KAT6A: variants seen among roughly 807,000 people sequenced by gnomAD.
KAT6A encodes the protein histone acetyltransferase KAT6A.
KAT6A carries 9 observed loss-of-function variants against 198.4 expected under a neutral mutation model. That is an observed-to-expected ratio of 0.05 (90% confidence interval 0.03 to 0.08). The LOEUF (loss-of-function observed/expected upper bound fraction) is 0.08, where lower values mean the gene tolerates loss of function less well. Among genes scored for constraint, KAT6A ranks in the 10% least tolerant of loss-of-function variants. The pLI is 1.00. For synonymous variants in KAT6A, 890 were observed against 883.0 expected (o/e 1.01, Z -0.14); for missense variants, 2,077 against 2,509.9 (o/e 0.83, Z 3.69).
chr8:41,949,934 A>T (rs187722460), intron 9 of KAT6A, among the ~76,000 whole-genome samples: 1 of 152,286 alleles, frequency 6.6e-6, no homozygotes, highest in Non-Finnish European at 1.5e-5. Flanking sequence ...TATTTTTTAA[A>T]CTGTCATTCA....
At chr8:42,024,408 T>C (rs1227049465) in intron 2 of KAT6A, among the ~76,000 whole-genome samples, 2 of 152,250 alleles carry the variant, frequency 1.3e-5, no homozygotes, top group African/African-American at 2.4e-5. Context: ...TCAGGGTATT[T>C]AGGATATCCA....
In KAT6A at chr8:41,934,889, C is replaced by CA. The variant is rs557980667; in HGVS notation, c.3353-23dup. The CA allele has an allele frequency of 1.1e-3, 1,784 of 1,551,708 alleles. 5 individuals are homozygous for CA. Among genetic ancestry groups the CA allele is most frequent in the South Asian group, 2.2e-3 (179 of 81,140 alleles). The stretch of plus-strand genomic sequence containing the variant: ...GTGTCTATACAGGAAGGAAAAAAAA[C>CA]AAAGACAGGTTACAAGGTCTTACAT... On this transcript the variant is annotated intron_variant, in intron 16 of 16. Coordinates refer to ENST00000265713, the MANE Select transcript of KAT6A (RefSeq NM_006766.5).
intron 2 of KAT6A, among the ~76,000 whole-genome samples, chr8:42,007,734 G>A (rs1367633058): frequency 3.3e-5 from 5 of 152,010 alleles, no homozygotes; most frequent in East Asian, 1.9e-4. Flanking sequence ...AGGCCAAAGC[G>A]GGTGGATCAC....
At chr8:41,981,402 CAA>C (rs773502266) in intron 4 of KAT6A, among the ~76,000 whole-genome samples, 45 of 152,118 alleles carry the variant, frequency 3.0e-4, no homozygotes, top group Non-Finnish European at 5.4e-4. Flanking sequence ...ATAGAGTTAG[CAA>C]AAAGTTATGT....
intron 7 of KAT6A, among the ~76,000 whole-genome samples, chr8:41,975,696 C>T (rs924315792): frequency 2.0e-5 from 3 of 152,122 alleles, no homozygotes; most frequent in East Asian, 1.9e-4. Context: ...ATACAGCATT[C>T]GGTACTTAAA....
chr8:42,044,814 C>T (rs1465036163), intron 2 of KAT6A, among the ~76,000 whole-genome samples: 1 of 152,194 alleles, frequency 6.6e-6, no homozygotes, highest in Non-Finnish European at 1.5e-5. Context: ...CCAATTAATT[C>T]CTAAAAGTGA....
Position 41,931,509 on chromosome 8 carries a change from A to G in KAT6A, c.*696T>C, listed in dbSNP as rs1201795701. On this transcript the variant is annotated 3_prime_UTR_variant, in exon 17 of 17. Coordinates refer to ENST00000265713, the MANE Select transcript of KAT6A (RefSeq NM_006766.5). ...ATATTACACTTGATTCAAGAACAAC[A>G]AAGATTTCAATGAAGTCCGTCTATA... The G allele has an allele frequency of 9.6e-6, 2 of 208,062 alleles. No homozygotes were observed. The highest frequency in any genetic ancestry group is 1.2e-4 in the Admixed American group (2 of 16,848). 12.9% of individuals were successfully genotyped at this position (208,062 alleles called of 1,614,324 possible).
Position 41,930,406 on chromosome 8 carries a change from A to C in KAT6A, c.*1799T>G, listed in dbSNP as rs1198028065. On this transcript the variant is annotated 3_prime_UTR_variant, in exon 17 of 17. Coordinates refer to ENST00000265713, the MANE Select transcript of KAT6A (RefSeq NM_006766.5). ...AGCCTTGCACATGCTCAGAGCTGAG[A>C]GCGGGAAGATGTGGAATTCTGCGTT... 4.4e-6 allele frequency: 1 copy of C among 226,436 alleles called. No homozygotes were observed. Among genetic ancestry groups the C allele is most frequent in the Non-Finnish European group, 8.8e-6 (1 of 113,884 alleles). The allele number at this position is 226,436 out of a possible 1,614,324, so 14.0% of individuals were successfully genotyped here. A position where few individuals can be genotyped will look rare whatever the true frequency, so the allele number is the denominator to read the frequency against.
intron 2 of KAT6A, among the ~76,000 whole-genome samples, chr8:41,993,145 C>T (rs936489594): frequency 1.3e-5 from 2 of 152,168 alleles, no homozygotes; most frequent in Admixed American, 1.3e-4. Context: ...ACTTTGTCTA[C>T]CCCAAACCAA....
In KAT6A at chr8:41,932,580, C is replaced by T. The variant is rs753312629; in HGVS notation, c.5640G>A (p.Ser1880=). The part of the protein sequence containing the change: ...HQQQLYGRSP[S]AVAMQAGPRA... Reference sequence around the variant, plus strand: ...GAGGGCCAGCCTGCATGGCAACTGCCGATGGGCTACGGCCATACAGCTGCT... The same window carrying T: ...GAGGGCCAGCCTGCATGGCAACTGCTGATGGGCTACGGCCATACAGCTGCT... The change falls in exon 17 of 17, where the codon TCG becomes TCA. Residue 1880 remains serine (S), a synonymous_variant. Transcript: ENST00000265713. The T allele has an allele frequency of 5.6e-6, 9 of 1,614,220 alleles. No homozygotes were observed. The highest frequency in any genetic ancestry group is 2.2e-5 in the South Asian group (2 of 91,086).
In KAT6A at chr8:41,981,824, G is replaced by A. The variant is rs1273780687; in HGVS notation, c.825+15C>T. The A allele has an allele frequency of 6.7e-7, 1 of 1,484,336 alleles. No homozygotes were observed. The highest frequency in any genetic ancestry group is 1.7e-5 in the Admixed American group (1 of 59,748). 91.9% of individuals were successfully genotyped at this position (1,484,336 alleles called of 1,614,324 possible). On this transcript the variant is annotated intron_variant, in intron 4 of 16. Transcript: ENST00000265713. ...ACTAAATGAAACACCCATATTAGAAGGCAGAGATACTCACCGCATTTTTGC... is the reference window on the plus strand; with the variant it reads ...ACTAAATGAAACACCCATATTAGAAAGCAGAGATACTCACCGCATTTTTGC...
chr8:41,976,859 G>A (rs1014779025), intron 7 of KAT6A, 149 bp downstream of exon 7: 5 of 664,248 alleles, frequency 7.5e-6, no homozygotes, highest in African/African-American at 7.2e-5. Flanking sequence ...TATCACCTCA[G>A]TATCATCTAC....
Position 42,051,987 on chromosome 8 carries a change from T to C in KAT6A, c.-412A>G, listed in dbSNP as rs1291526403. ...GACACGGCCGCCATCTTGGAGACAG[T>C]GAGCTCCAGCCGGGGGGAGGGGAGG... On this transcript the variant is annotated 5_prime_UTR_variant, in exon 1 of 17. Transcript: ENST00000265713. 1 of 135,040 alleles carries C rather than the reference T, an allele frequency of 7.4e-6. No individual in the cohort carries two copies. The highest frequency in any genetic ancestry group is 1.5e-5 in the Non-Finnish European group (1 of 64,568). 8.4% of individuals were successfully genotyped at this position (135,040 alleles called of 1,614,324 possible).
chr8:42,051,059 C>T (rs1365810069), intron 1 of KAT6A, among the ~76,000 whole-genome samples: 1 of 152,062 alleles, frequency 6.6e-6, no homozygotes, highest in East Asian at 1.9e-4. Context: ...GGCGCTGCAC[C>T]GTTTCCACGC....
chr8:42,033,486 C>A (rs1827227801), intron 2 of KAT6A, among the ~76,000 whole-genome samples: 1 of 152,098 alleles, frequency 6.6e-6, no homozygotes, highest in South Asian at 2.1e-4. Context: ...AATTCATATC[C>A]AATTAAACAG....
At chr8:42,042,035 T>C (rs1655465162) in intron 2 of KAT6A, among the ~76,000 whole-genome samples, 1 of 152,236 alleles carries the variant, frequency 6.6e-6, no homozygotes, top group South Asian at 2.1e-4. Flanking sequence ...TTTCCAAGCT[T>C]ATATTGGTTA....
rs551669395 is a variant in KAT6A, at chr8:41,967,077, A to C, written c.1482+7627T>G. 9.2e-5 allele frequency among the ~76,000 whole-genome samples: 14 copies of C among 152,282 alleles called. No individual in the cohort carries two copies. The East Asian group carries it at 2.5e-3, about 27-fold the overall frequency. Reference sequence around the variant, plus strand: ...ATTTTAATAACCCGCACAGATTTCAAAAATGCTCTGTAACTTTCCAGAACC... The same window carrying C: ...ATTTTAATAACCCGCACAGATTTCACAAATGCTCTGTAACTTTCCAGAACC... On this transcript the variant is annotated intron_variant, in intron 8 of 16. Coordinates refer to ENST00000265713, the MANE Select transcript of KAT6A (RefSeq NM_006766.5).
intron 15 of KAT6A, among the ~76,000 whole-genome samples, chr8:41,938,851 G>A (rs1436968881): frequency 3.3e-5 from 5 of 151,850 alleles, no homozygotes; most frequent in Non-Finnish European, 7.4e-5. Flanking sequence ...AGAGGCTGAG[G>A]TGGGAGCGTT....
chr8:42,018,925 A>T (rs1053689121), intron 2 of KAT6A, among the ~76,000 whole-genome samples: 14 of 151,218 alleles, frequency 9.3e-5, no homozygotes, highest in African/African-American at 2.9e-4. Flanking sequence ...GCCTCAAATT[A>T]AAAAAAAACA....
Sources: gnomAD v4.1 joint callset for allele counts (sites outside exome capture counted in the v4.1 genomes callset) on GRCh38, gnomAD v4.1.1 for gene constraint, MANE v1.5 for transcripts, NCBI Gene and HGNC (gene_info 2026-07-23, HGNC 2026-07-21) for gene names.